The following AZIN1 variants were observed in gnomAD, a reference collection of about 807,000 sequenced individuals.
The protein encoded by AZIN1 is ornithine decarboxylase antizyme inhibitor.
AZIN1 carries 12 observed loss-of-function variants against 47.4 expected under a neutral mutation model. That is an observed-to-expected ratio of 0.25 (90% CI 0.16 to 0.41). AZIN1 has a LOEUF of 0.41. AZIN1 is among the 10% of genes least tolerant of loss of function. The probability of loss-of-function intolerance (pLI) is 1.00; values close to 1 mark genes in which losing one functional copy is unlikely to be tolerated. For synonymous variants in AZIN1, 155 were observed against 176.3 expected, an observed-to-expected ratio of 0.88 and a Z score of 0.96; for missense variants, 410 against 532.4, an observed-to-expected ratio of 0.77 and a Z score of 2.26.
At chr8:102,834,847 T>C (rs913303591) in intron 6 of AZIN1, 100 bp from the exon 7 acceptor site, 3 of 747,308 alleles carry the variant, frequency 4.0e-6, no homozygotes, top group Non-Finnish European at 6.7e-6. Flanking sequence ...TACCATTAAG[T>C]ATCCCCATTA....
Position 102,826,932 on chromosome 8 carries a change from A to G in AZIN1, c.*1635T>C, listed in dbSNP as rs189204195. On this transcript the variant is annotated 3_prime_UTR_variant, in exon 12 of 12. Coordinates refer to ENST00000337198, the MANE Select transcript of AZIN1 (RefSeq NM_148174.4). ...GGCAATGGATTGGGGCCCTATATAT[A>G]TATATTTTTAATAGAACCCATGAGA... is the stretch of plus-strand genomic sequence containing the variant. 1.3e-5 allele frequency: 2 copies of G among 152,672 alleles called. No homozygotes were observed. The highest frequency in any genetic ancestry group is 1.9e-4 in the East Asian group (1 of 5,190). The allele number at this position is 152,672 out of a possible 1,614,324, so 9.5% of individuals were successfully genotyped here. A position where few individuals can be genotyped will look rare whatever the true frequency, so the allele number is the denominator to read the frequency against.
intron 6 of AZIN1, 138 bp from the exon 7 acceptor site, chr8:102,834,885 A>G: frequency 1.7e-6 from 1 of 603,364 alleles, no homozygotes; most frequent in Non-Finnish European, 2.9e-6. Flanking sequence ...AAGTATTAGA[A>G]GCATTAGCTT....
intron 1 of AZIN1, among the ~76,000 whole-genome samples, chr8:102,862,335 A>G (rs1395484270): frequency 6.6e-6 from 1 of 152,166 alleles, no homozygotes; most frequent in Non-Finnish European, 1.5e-5. Context: ...AAATAAGGTA[A>G]AATGTTAATT....
At chr8:102,829,509 T>C (rs748037562) in intron 10 of AZIN1, 23 bp from the exon 11 acceptor site, 3 of 1,564,972 alleles carry the variant, frequency 1.9e-6, no homozygotes, top group Non-Finnish European at 2.6e-6. Context: ...TTTTACAATT[T>C]AATTTTTACT....
At chr8:102,832,795 C>G (rs574515846) in intron 9 of AZIN1, among the ~76,000 whole-genome samples, 1 of 152,232 alleles carries the variant, frequency 6.6e-6, no homozygotes, top group Admixed American at 6.5e-5. Context: ...TGTGCGCCAC[C>G]ATGACCAGCT....
rs1811239302 is a variant in AZIN1, at chr8:102,828,630, G to A, written c.1284C>T (p.Asn428=). The change falls in exon 12 of 12, where the codon AAC becomes AAT. Residue 428 remains asparagine, a synonymous_variant. Transcript: ENST00000337198. ...AGITSDSMMK[N]FFFVPSCIQL... is the part of the protein sequence containing the mutation. ...GAATGCAAGAAGGCACAAAGAAGAA[G>A]TTCTTCATCATTGAGTCTGAAGTAA... The A allele has an allele frequency of 1.2e-6, 2 of 1,611,324 alleles. 1 individual carries two copies. The highest frequency in any genetic ancestry group is 2.7e-5 in the African/African-American group (2 of 74,884).
chr8:102,864,124 A>T lies in AZIN1; in HGVS notation c.-551T>A, dbSNP rs1274112428. On this transcript the variant is annotated 5_prime_UTR_variant, in exon 1 of 12. Coordinates refer to ENST00000337198, the MANE Select transcript of AZIN1 (RefSeq NM_148174.4). ...GGCAGAGAAGGCGACGGCAGAAGAA[A>T]AAAGGAAAAACTGCGGCCGCGATCA... 1 of 170,756 alleles carries T rather than the reference A, an allele frequency of 5.9e-6. No individual in the cohort carries two copies. Among genetic ancestry groups the T allele is most frequent in the Non-Finnish European group, 1.2e-5 (1 of 80,456 alleles). 10.6% of individuals were successfully genotyped at this position (170,756 alleles called of 1,614,324 possible). A position where few individuals can be genotyped will look rare whatever the true frequency, so the allele number is the denominator to read the frequency against.
rs1811133099 is a variant in AZIN1, at chr8:102,826,765, GACC to G, written c.*1799_*1801del. ...TCTTTAAAAAGGTTTGGCATTTCTGGACCACAACAATGCACAACATGTAAAGAA... is the reference window on the plus strand; with the variant it reads ...TCTTTAAAAAGGTTTGGCATTTCTGGACAACAATGCACAACATGTAAAGAA... On this transcript the variant is annotated 3_prime_UTR_variant, in exon 12 of 12. Coordinates refer to ENST00000337198, the MANE Select transcript of AZIN1 (RefSeq NM_148174.4). The G allele has an allele frequency of 1.3e-5, 2 of 152,526 alleles. No individual in the cohort carries two copies. The highest frequency in any genetic ancestry group is 2.4e-5 in the African/African-American group (1 of 41,398). The allele number at this position is 152,526 out of a possible 1,614,324, so 9.4% of individuals were successfully genotyped here. A position where few individuals can be genotyped will look rare whatever the true frequency, so the allele number is the denominator to read the frequency against.
At chr8:102,830,240 G>A (rs2131189866) in intron 9 of AZIN1, 1 of 205,634 alleles carries the variant, frequency 4.9e-6, no homozygotes, top group Non-Finnish European at 9.9e-6. Flanking sequence ...ACAAAAATTA[G>A]CCAGGTGTGG....
chr8:102,855,455 T>C (rs1157157701), intron 2 of AZIN1: 1 of 152,232 alleles, frequency 6.6e-6, no homozygotes, highest in African/African-American at 2.4e-5. Context: ...AAGACATTTT[T>C]ACAGTGTTTG....
At position 102,834,751 on chromosome 8, in the gene AZIN1, A is replaced by C; in HGVS notation, c.585-4T>G. On this transcript the variant is annotated splice_polypyrimidine_tract_variant and splice_region_variant and intron_variant, in intron 6 of 11. Transcript: ENST00000337198. ...GCAAGCACTCGAAACATGAAATCTG[A>C]AACACATAGAATACTAAATTTAAAG... 6.2e-7 allele frequency: 1 copy of C among 1,600,582 alleles called. No individual in the cohort carries two copies. Among genetic ancestry groups the C allele is most frequent in the Non-Finnish European group, 8.6e-7 (1 of 1,169,370 alleles).
At chr8:102,851,472 C>G (rs538930815) in intron 2 of AZIN1, among the ~76,000 whole-genome samples, 4 of 152,338 alleles carry the variant, frequency 2.6e-5, no homozygotes, top group Non-Finnish European at 4.4e-5. Flanking sequence ...CTTTGGGAGG[C>G]TGACGCAGGT....
chr8:102,841,662 G>C (rs1329858116), intron 3 of AZIN1, among the ~76,000 whole-genome samples: 2 of 151,954 alleles, frequency 1.3e-5, no homozygotes, highest in African/African-American at 4.8e-5. Flanking sequence ...GCAGACTTAA[G>C]GTCAAGAGAA....
intron 1 of AZIN1, among the ~76,000 whole-genome samples, chr8:102,859,356 C>T (rs575445557): frequency 2.0e-5 from 3 of 152,250 alleles, no homozygotes; most frequent in African/African-American, 7.2e-5. Context: ...GGATCAGATA[C>T]CCTAGGTAAG....
intron 2 of AZIN1, among the ~76,000 whole-genome samples, chr8:102,845,691 A>C (rs1812525561): frequency 6.6e-6 from 1 of 152,172 alleles, no homozygotes; most frequent in African/African-American, 2.4e-5. Flanking sequence ...ATAAGGTAGA[A>C]ACTTCCTGTT....
Position 102,828,537 on chromosome 8 carries a change from C to T in AZIN1, c.*30G>A. 2 of 1,446,946 alleles carry T rather than the reference C, an allele frequency of 1.4e-6. No individual in the cohort carries two copies. Among genetic ancestry groups the T allele is most frequent in the Non-Finnish European group, 1.9e-6 (2 of 1,039,426 alleles). The allele number at this position is 1,446,946 out of a possible 1,614,324, so 89.6% of individuals were successfully genotyped here. A position where few individuals can be genotyped will look rare whatever the true frequency, so the allele number is the denominator to read the frequency against. ...TTGACCAGACAAGCTTAACCTGCAA[C>T]TTCAGATCTAAAGAAGCGTTAATGC... is the stretch of plus-strand genomic sequence containing the variant. On this transcript the variant is annotated 3_prime_UTR_variant, in exon 12 of 12. Coordinates refer to ENST00000337198, the MANE Select transcript of AZIN1 (RefSeq NM_148174.4).
At chr8:102,835,048 C>T (rs1281498804) in intron 6 of AZIN1, 1 of 228,706 alleles carries the variant, frequency 4.4e-6, no homozygotes, top group Admixed American at 5.2e-5. Flanking sequence ...ATATGTGGCA[C>T]TTTTATGTTT....
At chr8:102,841,805 TAA>T (rs1269379100) in intron 3 of AZIN1, among the ~76,000 whole-genome samples, 19 of 114,394 alleles carry the variant, frequency 1.7e-4, no homozygotes, top group East Asian at 7.5e-4. Flanking sequence ...TATATATATA[TAA>T]AAAAAAAAAA....
intron 2 of AZIN1, among the ~76,000 whole-genome samples, chr8:102,847,550 A>C (rs1812644892): frequency 6.6e-6 from 1 of 151,248 alleles, no homozygotes; most frequent in Non-Finnish European, 1.5e-5. Context: ...GTGTATTGAA[A>C]AAGTAGCTCA....
Sources: gnomAD v4.1 joint callset for allele counts (sites outside exome capture counted in the v4.1 genomes callset) on GRCh38, gnomAD v4.1.1 for gene constraint, MANE v1.5 for transcripts, NCBI Gene and HGNC (gene_info 2026-07-23, HGNC 2026-07-21) for gene names.